SLC6A20: variants seen among roughly 807,000 people sequenced by gnomAD.
The protein encoded by SLC6A20 is sodium- and chloride-dependent transporter XTRP3.
In SLC6A20, 73 loss-of-function variants were observed where a neutral mutation model predicts 64.3. The observed-to-expected ratio is 1.14, with a 90% CI of 0.94 to 1.38. The LOEUF is 1.38. SLC6A20 is among the 40% of genes most tolerant of loss of function. The probability of loss-of-function intolerance (pLI) is 0.00; values close to 1 mark genes in which losing one functional copy is unlikely to be tolerated. For synonymous variants in SLC6A20, 347 were observed against 329.6 expected (o/e 1.05, Z -0.57); for missense variants, 725 against 772.8 (o/e 0.94, Z 0.73).
Position 45,765,485 on chromosome 3 carries a change from C to T in SLC6A20, c.1303+52G>A. ...GAGGGAGCTCTCCCCTGTTCACCCCCACGCCTTGGCCCTCCTGACCCCTGC... is the reference window on the plus strand; with the variant it reads ...GAGGGAGCTCTCCCCTGTTCACCCCTACGCCTTGGCCCTCCTGACCCCTGC... On this transcript the variant is annotated intron_variant, in intron 8 of 10. Coordinates refer to ENST00000358525, the MANE Select transcript of SLC6A20 (RefSeq NM_020208.4). This position sits in a 1 kb window ranked among gnomAD's most constrained non-coding sequence, Gnocchi z 4.2. The T allele has an allele frequency of 6.4e-7, 1 of 1,566,438 alleles. No homozygotes were observed. Among genetic ancestry groups the T allele is most frequent in the Non-Finnish European group, 8.7e-7 (1 of 1,155,882 alleles).
At position 45,762,988 on chromosome 3, in the gene SLC6A20, T is replaced by C. The variant is rs1367657963; in HGVS notation, c.1388A>G (p.Tyr463Cys). 6.2e-7 allele frequency: 1 copy of C among 1,614,086 alleles called. No individual in the cohort carries two copies. The highest frequency in any genetic ancestry group is 8.5e-7 in the Non-Finnish European group (1 of 1,180,028). ...GAGCAGCAGGGACAGTGTGGCCGCG[T>C]AGTCGTTGAATATGTCAAACCAGTA... ...GNYWFDIFND[Y>C]AATLSLLLIV... The change falls in exon 9 of 11, where the codon TAC (tyrosine) becomes TGC (cysteine). Residue 463 changes from tyrosine to cysteine, a missense_variant. Physicochemically the swap from Tyr to Cys is radical, Grantham distance 194. Transcript: ENST00000358525.
At chr3:45,761,363 A>T (rs556141582) in intron 9 of SLC6A20, among the ~76,000 whole-genome samples, 1 of 152,116 alleles carries the variant, frequency 6.6e-6, no homozygotes, top group Non-Finnish European at 1.5e-5. Flanking sequence ...TTACATGGTC[A>T]GTCCACCTAC....
In SLC6A20 at chr3:45,756,616, G is replaced by T. The variant is rs1002856791; in HGVS notation, c.*2362C>A. 2 of 152,110 alleles carry T rather than the reference G, an allele frequency of 1.3e-5. No homozygotes were observed. The highest frequency in any genetic ancestry group is 6.6e-5 in the Admixed American group (1 of 15,266). 9.4% of individuals were successfully genotyped at this position (152,110 alleles called of 1,614,324 possible). A position where few individuals can be genotyped will look rare whatever the true frequency, so the allele number is the denominator to read the frequency against. ...GCACAAAAATAAAAAGACATCTCCG[G>T]CCAACGTCCCAGGTGAGTGTTTGTG... On this transcript the variant is annotated 3_prime_UTR_variant, in exon 11 of 11. Transcript: ENST00000358525.
At position 45,772,532 on chromosome 3, in the gene SLC6A20, A is replaced by G. The variant is rs375971612; in HGVS notation, c.666T>C (p.Asn222=). Residue 222 remains asparagine (N), a synonymous_variant, in exon 5 of 11, where the codon AAT becomes AAC. Coordinates refer to ENST00000358525, the MANE Select transcript of SLC6A20 (RefSeq NM_020208.4). ...IRGLTLHGAT[N]GLMYMFTPKI... ...TGGGAGTGAACATGTACATGAGGCC[A>G]TTGGTGGCTCCGTGGAGCGTGAGGC... 150 of 1,613,826 alleles carry G rather than the reference A, an allele frequency of 9.3e-5. 2 individuals carry two copies. The highest frequency in any genetic ancestry group is 1.1e-4 in the Non-Finnish European group (135 of 1,179,926).
chr3:45,781,987 G>A (rs146198784), intron 2 of SLC6A20, 96 bp downstream of exon 2: 554 of 1,419,342 alleles, frequency 3.9e-4, no homozygotes, highest in East Asian at 3.7e-3. Flanking sequence ...CCTTGTGCTC[G>A]CCCCTTGATC....
Position 45,758,191 on chromosome 3 carries a change from A to C in SLC6A20, c.*787T>G, listed in dbSNP as rs1353742273. 4 of 221,218 alleles carry C rather than the reference A, an allele frequency of 1.8e-5. No individual in the cohort carries two copies. The highest frequency in any genetic ancestry group is 9.5e-5 in the African/African-American group (4 of 42,010). 13.7% of individuals were successfully genotyped at this position (221,218 alleles called of 1,614,324 possible). A position where few individuals can be genotyped will look rare whatever the true frequency, so the allele number is the denominator to read the frequency against. On this transcript the variant is annotated 3_prime_UTR_variant, in exon 11 of 11. Coordinates refer to ENST00000358525, the MANE Select transcript of SLC6A20 (RefSeq NM_020208.4). ...CCTTGACCCCCAAGGTGCTAGGATT[A>C]CAGGCGTGAGCCACCGTGCCCAGCT... is the stretch of plus-strand genomic sequence containing the variant.
rs1213207201 is a variant in SLC6A20 at position 45,795,477 on chromosome 3, T to C, written c.121+822A>G. Among the ~76,000 whole-genome samples, 6 of 152,230 alleles carry C rather than the reference T, an allele frequency of 3.9e-5. No homozygotes were observed. In the East Asian group the frequency reaches 9.6e-4, roughly 24 times the overall value. The stretch of plus-strand genomic sequence containing the variant: ...TATTAAATGATGGTGACCATCCTTC[T>C]ACCTCTGTCAGAACTCTGACAATTT... On this transcript the variant is annotated intron_variant, in intron 1 of 10. Transcript: ENST00000358525.
chr3:45,770,568 C>T (rs968747804), intron 6 of SLC6A20, among the ~76,000 whole-genome samples, 197 bp from the exon 7 acceptor site: 1 of 152,220 alleles, frequency 6.6e-6, no homozygotes, highest in African/African-American at 2.4e-5. Flanking sequence ...GCACCAAACT[C>T]ACACAGCTAG....
chr3:45,796,456 G>C lies in SLC6A20; in HGVS notation c.-37C>G. On this transcript the variant is annotated 5_prime_UTR_variant, in exon 1 of 11. Transcript: ENST00000358525. ...CGGCGCGCTCGGCTCCGGCTCGGGG[G>C]TCCGGCACGGCAGTCTCAGTGCGCG... 1 of 1,595,478 alleles carries C rather than the reference G, an allele frequency of 6.3e-7. No individual in the cohort carries two copies. Among genetic ancestry groups the C allele is most frequent in the South Asian group, 1.1e-5 (1 of 89,400 alleles).
chr3:45,759,247 C>G (rs998315941), intron 10 of SLC6A20, 120 bp from the exon 11 acceptor site: 94 of 1,086,838 alleles, frequency 8.6e-5, no homozygotes, highest in Non-Finnish European at 1.2e-4. Flanking sequence ...GGGCCGGTGT[C>G]CTCACTCCTG....
In SLC6A20 at chr3:45,759,058, TGGA is replaced by T. The variant is rs1438771515; in HGVS notation, c.1696_1698del (p.Ser566del). ...AGGGCCGCCAGGGGGATGCACATGG[TGGA>T]GGAGGCCACAAGCAGCCCGATGACA... On this transcript the variant is annotated inframe_deletion, in exon 11 of 11. Transcript: ENST00000358525. 1.2e-6 allele frequency: 2 copies of T among 1,612,466 alleles called. No homozygotes were observed. The highest frequency in any genetic ancestry group is 2.2e-5 in the South Asian group (2 of 90,686).
At chr3:45,772,310 G>A (rs1433080028) in intron 5 of SLC6A20, 195 bp downstream of exon 5, 1 of 538,542 alleles carries the variant, frequency 1.9e-6, no homozygotes, top group Non-Finnish European at 3.3e-6. Context: ...TTAACAGGGA[G>A]TGGGGATGAC....
In SLC6A20 at chr3:45,762,813, G is replaced by T. The variant is rs556535858; in HGVS notation, c.1463+100C>A. 2.5e-5 allele frequency: 37 copies of T among 1,459,052 alleles called. 1 individual carries two copies. The South Asian group carries it at 4.5e-4, about 18-fold the overall frequency. 90.4% of individuals were successfully genotyped at this position (1,459,052 alleles called of 1,614,324 possible). A position where few individuals can be genotyped will look rare whatever the true frequency, so the allele number is the denominator to read the frequency against. On this transcript the variant is annotated intron_variant, in intron 9 of 10. Coordinates refer to ENST00000358525, the MANE Select transcript of SLC6A20 (RefSeq NM_020208.4). ...GAGTCATGATGCGAAGCTTAAAGAAGAGGTGAAGATGTGCATCAAGAAACA... is the reference window on the plus strand; with the variant it reads ...GAGTCATGATGCGAAGCTTAAAGAATAGGTGAAGATGTGCATCAAGAAACA...
At chr3:45,763,116 C>A (rs376598390) in intron 8 of SLC6A20, 44 bp from the exon 9 acceptor site, 20 of 1,609,790 alleles carry the variant, frequency 1.2e-5, no homozygotes, top group East Asian at 2.2e-5. Flanking sequence ...GAGACCCCCC[C>A]ACTACTGCTT....
At chr3:45,777,860 A>C (rs1392400549) in intron 3 of SLC6A20, among the ~76,000 whole-genome samples, 1 of 152,016 alleles carries the variant, frequency 6.6e-6, no homozygotes, top group Non-Finnish European at 1.5e-5. Flanking sequence ...TGGCTACACG[A>C]CTAAGGCACC....
rs1699569923 is a variant in SLC6A20 at position 45,757,573 on chromosome 3, T to C, written c.*1405A>G. ...TTAAACTTTGATTCATTACAGCGCA[T>C]GTTTCTGTGAGCACAGAGTTGGGGC... On this transcript the variant is annotated 3_prime_UTR_variant, in exon 11 of 11. Coordinates refer to ENST00000358525, the MANE Select transcript of SLC6A20 (RefSeq NM_020208.4). 1 of 153,052 alleles carries C rather than the reference T, an allele frequency of 6.5e-6. No individual in the cohort carries two copies. The highest frequency in any genetic ancestry group is 2.1e-4 in the South Asian group (1 of 4,858). The allele number at this position is 153,052 out of a possible 1,614,324, so 9.5% of individuals were successfully genotyped here.
At chr3:45,783,711 A>C (rs1700133039) in intron 1 of SLC6A20, among the ~76,000 whole-genome samples, 1 of 152,232 alleles carries the variant, frequency 6.6e-6, no homozygotes, top group African/African-American at 2.4e-5. Flanking sequence ...ACAGAAAGAA[A>C]GGCATGAGCC....
At chr3:45,767,271 C>T (rs1699792801) in intron 7 of SLC6A20, among the ~76,000 whole-genome samples, 1 of 152,064 alleles carries the variant, frequency 6.6e-6, no homozygotes, top group South Asian at 2.1e-4. Flanking sequence ...TGCCTATGGC[C>T]ACCACTGAAA....
intron 1 of SLC6A20, among the ~76,000 whole-genome samples, chr3:45,788,920 C>A (rs934915353): frequency 6.6e-6 from 1 of 152,116 alleles, no homozygotes; most frequent in East Asian, 1.9e-4. Context: ...AATAAACCAA[C>A]AAAACAGAAT....
Sources: gnomAD v4.1 joint callset for allele counts (sites outside exome capture counted in the v4.1 genomes callset) on GRCh38, gnomAD v4.1.1 for gene constraint, Gnocchi (gnomAD v3.1) non-coding constraint, MANE v1.5 for transcripts, NCBI Gene and HGNC (gene_info 2026-07-23, HGNC 2026-07-21) for gene names.